KIAA1191: variants seen among roughly 807,000 people sequenced by gnomAD.
The protein encoded by KIAA1191 is putative monooxygenase p33MONOX.
In KIAA1191, 22 loss-of-function variants were observed where a neutral mutation model predicts 31.1. The observed-to-expected ratio is 0.71, with a 90% CI of 0.51 to 1.01. KIAA1191 has a LOEUF of 1.01. Among genes scored for constraint, KIAA1191 ranks in the 50% least tolerant of loss-of-function variants. The pLI is 0.00. For synonymous variants in KIAA1191, 130 were observed against 143.9 expected (o/e 0.90, Z 0.69); for missense variants, 319 against 388.0 (o/e 0.82, Z 1.49).
chr5:176,357,806 G>GC (rs1767636248), intron 3 of KIAA1191, among the ~76,000 whole-genome samples: 2 of 152,138 alleles, frequency 1.3e-5, no homozygotes, highest in African/African-American at 2.4e-5. Context: ...GAGACTTGGG[G>GC]AGCAATTTCA....
intron 5 of KIAA1191, among the ~76,000 whole-genome samples, chr5:176,352,178 A>ACAC (rs1261248649): frequency 3.4e-5 from 5 of 149,028 alleles, no homozygotes; most frequent in Admixed American, 6.7e-5. Context: ...CAAAAAAAAA[A>ACAC]ACAAAAACTG....
rs1309080555 is a variant in KIAA1191, at chr5:176,355,330, C to T, written c.207+241G>A. Among the ~76,000 whole-genome samples the T allele has an allele frequency of 6.6e-6, 1 of 151,698 alleles. No homozygotes were observed. Among genetic ancestry groups the T allele is most frequent in the African/African-American group, 2.4e-5 (1 of 41,268 alleles). The stretch of plus-strand genomic sequence containing the variant: ...TGCACTAAAAGCCCAGACTTCACCA[C>T]TATACAATTCATCCATGCGAACAAC... On this transcript the variant is annotated intron_variant, in intron 4 of 8. Coordinates refer to ENST00000298569, the MANE Select transcript of KIAA1191 (RefSeq NM_020444.5). This position sits in a 1 kb window ranked among gnomAD's most constrained non-coding sequence, Gnocchi z 4.2.
At position 176,361,462 on chromosome 5, in the gene KIAA1191, A is replaced by G. The variant is rs1294499823; in HGVS notation, c.-168+140T>C. The G allele has an allele frequency of 6.6e-6, 1 of 152,390 alleles. No individual in the cohort carries two copies. Among genetic ancestry groups the G allele is most frequent in the Non-Finnish European group, 1.5e-5 (1 of 68,216 alleles). 9.4% of individuals were successfully genotyped at this position (152,390 alleles called of 1,614,324 possible). ...CAAGAGGCGACCCAGCCGAGCTCGA[A>G]GCCGGGATGAAGGGTTAAGAGGTGC... On this transcript the variant is annotated intron_variant, in intron 1 of 8. Transcript: ENST00000298569. This position sits in a 1 kb window ranked among gnomAD's most constrained non-coding sequence, Gnocchi z 4.0.
chr5:176,350,791 A>G lies in KIAA1191; in HGVS notation c.335-54T>C. On this transcript the variant is annotated intron_variant, in intron 5 of 8. Transcript: ENST00000298569. ...CCATTCCCCTCTCCCATCACAAAAT[A>G]AGGAGGACAACATGGATATCTACTA... The G allele has an allele frequency of 5.0e-6, 8 of 1,602,694 alleles. No individual in the cohort carries two copies. In the South Asian group the frequency reaches 8.9e-5, roughly 18 times the overall value.
intron 6 of KIAA1191, chr5:176,348,915 A>C (rs1766753788): frequency 6.5e-6 from 1 of 154,090 alleles, no homozygotes; most frequent in South Asian, 2.0e-4. Flanking sequence ...CTCGCAGTCT[A>C]GTGGGGAGAG....
intron 6 of KIAA1191, among the ~76,000 whole-genome samples, chr5:176,349,681 A>C (rs1766821887): frequency 6.6e-6 from 1 of 152,052 alleles, no homozygotes; most frequent in African/African-American, 2.4e-5. Context: ...TTTTATATCC[A>C]CAGTTTTATA....
Position 176,347,594 on chromosome 5 carries a change from A to T in KIAA1191, c.*6T>A. ...CACCTTTACCAGAATCCCTGGAAAG[A>T]GGGCTCTAGAAGCCAGTGGGTGTGA... On this transcript the variant is annotated 3_prime_UTR_variant, in exon 9 of 9. Transcript: ENST00000298569. 1 of 1,473,304 alleles carries T rather than the reference A, an allele frequency of 6.8e-7. No homozygotes were observed. Among genetic ancestry groups the T allele is most frequent in the Non-Finnish European group, 9.0e-7 (1 of 1,110,452 alleles). The allele number at this position is 1,473,304 out of a possible 1,614,324, so 91.3% of individuals were successfully genotyped here.
intron 3 of KIAA1191, 150 bp downstream of exon 3, chr5:176,359,321 AAAAATAAAAT>A (rs1015756720): frequency 2.9e-5 from 18 of 621,434 alleles, no homozygotes; most frequent in Non-Finnish European, 4.9e-5. Flanking sequence ...TCCATCTCAA[AAAAATAAAAT>A]AAAATAAAAT....
chr5:176,348,580 C>T (rs530378564), intron 6 of KIAA1191, among the ~76,000 whole-genome samples: 1 of 149,950 alleles, frequency 6.7e-6, no homozygotes, highest in African/African-American at 2.5e-5. Flanking sequence ...TCATGAACAT[C>T]CCTGTACTTA....
Position 176,347,453 on chromosome 5 carries a change from G to A in KIAA1191, c.*147C>T. ...CTGACCTCAGGTATCCACCTACCTT[G>A]GCCTCCCAAAGTGCTGGGATTACAG... On this transcript the variant is annotated 3_prime_UTR_variant, in exon 9 of 9. Coordinates refer to ENST00000298569, the MANE Select transcript of KIAA1191 (RefSeq NM_020444.5). The A allele has an allele frequency of 1.9e-6, 1 of 531,376 alleles. No individual in the cohort carries two copies. The highest frequency in any genetic ancestry group is 3.1e-6 in the Non-Finnish European group (1 of 324,388). The allele number at this position is 531,376 out of a possible 1,614,324, so 32.9% of individuals were successfully genotyped here. A position where few individuals can be genotyped will look rare whatever the true frequency, so the allele number is the denominator to read the frequency against.
intron 6 of KIAA1191, among the ~76,000 whole-genome samples, chr5:176,349,921 A>T (rs1363405874): frequency 6.6e-6 from 1 of 152,182 alleles, no homozygotes; most frequent in Non-Finnish European, 1.5e-5. Flanking sequence ...CCTGACTTCC[A>T]TATGAGCCCC....
At chr5:176,359,250 C>T (rs1352708156) in intron 3 of KIAA1191, among the ~76,000 whole-genome samples, 2 of 151,892 alleles carry the variant, frequency 1.3e-5, no homozygotes, top group African/African-American at 2.4e-5. Context: ...ACCCAGGAAG[C>T]GGAGGTAGCA....
At chr5:176,349,997 C>CA (rs1766847201) in intron 6 of KIAA1191, among the ~76,000 whole-genome samples, 1 of 152,184 alleles carries the variant, frequency 6.6e-6, no homozygotes, top group Admixed American at 6.5e-5. Context: ...AGTAAGGCAT[C>CA]AGGAGACTTG....
intron 5 of KIAA1191, 39 bp downstream of exon 5, chr5:176,352,583 C>A (rs1767127534): frequency 1.2e-6 from 2 of 1,603,414 alleles, no homozygotes; most frequent in African/African-American, 2.7e-5. Context: ...CTCTTCCCTG[C>A]CCCTATGGCA....
chr5:176,355,805 T>C lies in KIAA1191; in HGVS notation c.29-56A>G, dbSNP rs1767463450. The C allele has an allele frequency of 9.8e-6, 15 of 1,527,496 alleles. No individual in the cohort carries two copies. Among genetic ancestry groups the C allele is most frequent in the Non-Finnish European group, 1.4e-5 (15 of 1,102,544 alleles). The allele number at this position is 1,527,496 out of a possible 1,614,324, so 94.6% of individuals were successfully genotyped here. A position where few individuals can be genotyped will look rare whatever the true frequency, so the allele number is the denominator to read the frequency against. ...TCAGCAACTGGACATACTAGCAGCT[T>C]TAAATTAATCTACAGGAAGGAAAGC... On this transcript the variant is annotated intron_variant, in intron 3 of 8. Coordinates refer to ENST00000298569, the MANE Select transcript of KIAA1191 (RefSeq NM_020444.5). This position sits in a 1 kb window ranked among gnomAD's most constrained non-coding sequence, Gnocchi z 4.2.
At chr5:176,354,117 C>T (rs980003776) in intron 4 of KIAA1191, 1 of 152,220 alleles carries the variant, frequency 6.6e-6, no homozygotes, top group Admixed American at 6.5e-5. Flanking sequence ...AAGCAGGGAG[C>T]CTGCAGTCAT....
intron 6 of KIAA1191, 96 bp downstream of exon 6, chr5:176,350,517 C>A (rs1279856528): frequency 3.4e-6 from 5 of 1,465,416 alleles, no homozygotes; most frequent in Non-Finnish European, 4.7e-6. Flanking sequence ...AACTCCACAG[C>A]CCCCAACTAA....
At position 176,359,563 on chromosome 5, in the gene KIAA1191, GC is replaced by G. The variant is rs1158801064; in HGVS notation, c.-56del. 2 of 1,384,722 alleles carry G rather than the reference GC, an allele frequency of 1.4e-6. No individual in the cohort carries two copies. The highest frequency in any genetic ancestry group is 2.1e-6 in the Non-Finnish European group (2 of 971,790). 85.8% of individuals were successfully genotyped at this position (1,384,722 alleles called of 1,614,324 possible). On this transcript the variant is annotated 5_prime_UTR_variant, in exon 3 of 9. Coordinates refer to ENST00000298569, the MANE Select transcript of KIAA1191 (RefSeq NM_020444.5). ...ATACAGAATTCCGAGCTGAGTCCCT[GC>G]CACCTAATAAAATAACAAAGGGCAT... is the stretch of plus-strand genomic sequence containing the variant.
chr5:176,347,596 G>T lies in KIAA1191; in HGVS notation c.*4C>A, dbSNP rs1351286230. 3 of 1,476,306 alleles carry T rather than the reference G, an allele frequency of 2.0e-6. No individual in the cohort carries two copies. The highest frequency in any genetic ancestry group is 1.8e-4 in the Middle Eastern group (1 of 5,450). 91.5% of individuals were successfully genotyped at this position (1,476,306 alleles called of 1,614,324 possible). On this transcript the variant is annotated 3_prime_UTR_variant, in exon 9 of 9. Coordinates refer to ENST00000298569, the MANE Select transcript of KIAA1191 (RefSeq NM_020444.5). ...CCTTTACCAGAATCCCTGGAAAGAG[G>T]GCTCTAGAAGCCAGTGGGTGTGAGC...
Sources: allele counts gnomAD v4.1 joint callset (sites outside exome capture counted in the v4.1 genomes callset), GRCh38; gene constraint gnomAD v4.1.1; non-coding constraint Gnocchi (gnomAD v3.1); transcripts MANE v1.5; gene names NCBI Gene and HGNC (gene_info 2026-07-23, HGNC 2026-07-21).